The following CHD1L variants were observed in gnomAD, a reference collection of about 807,000 sequenced individuals.
CHD1L encodes ATP-dependent chromatin remodeler CHD1L.
A neutral mutation model predicts 115.9 loss-of-function variants in CHD1L; 118 were observed. That is an observed-to-expected ratio of 1.02 (90% CI 0.88 to 1.19). The LOEUF (loss-of-function observed/expected upper bound fraction) is 1.19. Among genes scored for constraint, CHD1L ranks in the 50% most tolerant of loss-of-function variants. The probability of loss-of-function intolerance (pLI) is 0.00; values close to 1 mark genes in which losing one functional copy is unlikely to be tolerated. For synonymous variants in CHD1L, 411 were observed against 387.1 expected, an observed-to-expected ratio of 1.06 and a Z score of -0.72; for missense variants, 1,179 against 1,065.3, an observed-to-expected ratio of 1.11 and a Z score of -1.49.
intron 11 of CHD1L, among the ~76,000 whole-genome samples, chr1:147,271,390 A>T (rs1553952977): frequency 6.6e-6 from 1 of 152,224 alleles, no homozygotes; most frequent in East Asian, 1.9e-4. Context: ...GAATATTGAA[A>T]TTATAGAGAT....
intron 14 of CHD1L, among the ~76,000 whole-genome samples, chr1:147,276,769 A>G (rs587715183): frequency 6.6e-6 from 1 of 152,254 alleles, no homozygotes; most frequent in South Asian, 2.1e-4. Flanking sequence ...CTGGATTGGA[A>G]GATTTTAGAG....
At chr1:147,198,626 G>A in the CHD1L span, among the ~76,000 whole-genome samples, 4 of 151,902 alleles carry the variant, frequency 2.6e-5, no homozygotes, top group African/African-American at 7.2e-5. Flanking sequence ...TGAGGCAGGC[G>A]GATCACGAGG....
chr1:147,236,635 C>T, the CHD1L span, among the ~76,000 whole-genome samples: 1 of 151,790 alleles, frequency 6.6e-6, no homozygotes, highest in Admixed American at 6.6e-5. Flanking sequence ...GTCTGCTTAG[C>T]TCTCACAGAG....
At chr1:147,285,737 TACCC>T (rs1360296717) in intron 17 of CHD1L, among the ~76,000 whole-genome samples, 1 of 152,192 alleles carries the variant, frequency 6.6e-6, no homozygotes, top group Non-Finnish European at 1.5e-5. Flanking sequence ...CTTGCTCTGT[TACCC>T]AGGCTGGAGT....
intron 9 of CHD1L, among the ~76,000 whole-genome samples, chr1:147,267,762 C>T (rs1674520500): frequency 6.6e-6 from 1 of 152,150 alleles, no homozygotes. Flanking sequence ...ATCCTGCAGA[C>T]CCTGCATTGC....
chr1:147,211,112 A>T, the CHD1L span: 1 of 152,168 alleles, frequency 6.6e-6, no homozygotes, highest in Non-Finnish European at 1.5e-5. Context: ...ATGCAGACAT[A>T]GTTTTCCTTT....
chr1:147,281,094 C>G (rs1013630872), intron 15 of CHD1L, among the ~76,000 whole-genome samples: 1 of 152,174 alleles, frequency 6.6e-6, no homozygotes, highest in African/African-American at 2.4e-5. Context: ...ACAAACTTGT[C>G]AAAGGATGTC....
At chr1:147,234,820 C>T in the CHD1L span, among the ~76,000 whole-genome samples, 43 of 152,216 alleles carry the variant, frequency 2.8e-4, no homozygotes, top group African/African-American at 1.0e-3. Flanking sequence ...GCCCTTATTT[C>T]ATTTGTATAG....
chr1:147,254,026 G>C (rs1300986357), intron 2 of CHD1L, among the ~76,000 whole-genome samples: 1 of 152,048 alleles, frequency 6.6e-6, no homozygotes, highest in Non-Finnish European at 1.5e-5. Context: ...AGCTTTCTCA[G>C]GATTTTGAAT....
At chr1:147,272,922 C>T (rs1163816845) in intron 12 of CHD1L, among the ~76,000 whole-genome samples, 2 of 131,624 alleles carry the variant, frequency 1.5e-5, no homozygotes, top group South Asian at 2.4e-4. Context: ...AAAAAAAGGC[C>T]GGCACGGTGG....
chr1:147,217,719 A>G, the CHD1L span, among the ~76,000 whole-genome samples: 1 of 152,226 alleles, frequency 6.6e-6, no homozygotes, highest in East Asian at 1.9e-4. Flanking sequence ...ACCTGTTTCA[A>G]CCAAAGTGTT....
chr1:147,201,287 T>C, the CHD1L span: 2 of 1,614,122 alleles, frequency 1.2e-6, no homozygotes, highest in Non-Finnish European at 1.7e-6. Flanking sequence ...TACAGGGATA[T>C]CTTGTTTTTG....
At chr1:147,208,832 C>T in the CHD1L span, 50,385 of 1,602,378 alleles carry the variant, frequency 0.031, 1,173 homozygotes, top group South Asian at 0.09. Flanking sequence ...TATCCCTGCA[C>T]TCCCATCCTG....
At chr1:147,214,089 C>A in the CHD1L span, among the ~76,000 whole-genome samples, 1 of 152,246 alleles carries the variant, frequency 6.6e-6, no homozygotes, top group African/African-American at 2.4e-5. Context: ...ATGGGTTACC[C>A]TACTTAGGTT....
intron 1 of CHD1L, among the ~76,000 whole-genome samples, chr1:147,245,924 G>A (rs1328390580): frequency 6.6e-6 from 1 of 152,124 alleles, no homozygotes; most frequent in Non-Finnish European, 1.5e-5. Context: ...TTATCACATT[G>A]TGTACACTTG....
At chr1:147,233,369 G>C in the CHD1L span, among the ~76,000 whole-genome samples, 1 of 149,238 alleles carries the variant, frequency 6.7e-6, no homozygotes, top group Non-Finnish European at 1.5e-5. Flanking sequence ...GTCCGGGAGG[G>C]AGGTGGGGGG....
At chr1:147,175,081 C>T in the CHD1L span, 3 of 152,154 alleles carry the variant, frequency 2.0e-5, no homozygotes, top group African/African-American at 7.2e-5. Context: ...GGTTTATATT[C>T]CCATCTCCAC....
At chr1:147,179,794 A>C in the CHD1L span, among the ~76,000 whole-genome samples, 3 of 152,068 alleles carry the variant, frequency 2.0e-5, no homozygotes, top group African/African-American at 7.3e-5. Flanking sequence ...TCTTAGCTGC[A>C]CTGTTATGGA....
At chr1:147,201,635 G>A in the CHD1L span, 1 of 665,950 alleles carries the variant, frequency 1.5e-6, no homozygotes, top group South Asian at 1.9e-5. Context: ...CATGAAGTTT[G>A]GAAAAGGTCT....
Sources: gnomAD v4.1 joint callset for allele counts (sites outside exome capture counted in the v4.1 genomes callset) on GRCh38, gnomAD v4.1.1 for gene constraint, MANE v1.5 for transcripts, NCBI Gene and HGNC (gene_info 2026-07-23, HGNC 2026-07-21) for gene names.